Variants in FLNB observed in about 807,000 individuals in gnomAD.
FLNB encodes filamin B.
In FLNB, 111 loss-of-function variants were observed where a neutral mutation model predicts 250.6. That is an observed-to-expected ratio of 0.44 (90% CI 0.38 to 0.52). The LOEUF is 0.52. Ranked by LOEUF, FLNB falls within the 20% of genes least tolerant of loss-of-function variation. The pLI is 0.00. For missense variants in FLNB, 2,869 were observed against 3,447.8 expected, an observed-to-expected ratio of 0.83 and a Z score of 4.20; for synonymous variants, 1,302 against 1,372.1, an observed-to-expected ratio of 0.95 and a Z score of 1.13.
intron 3 of FLNB, among the ~76,000 whole-genome samples, chr3:58,080,720 C>A (rs569663307): frequency 6.6e-6 from 1 of 151,484 alleles, no homozygotes; most frequent in South Asian, 2.1e-4. Flanking sequence ...TCTTGAACTC[C>A]TGACCTCGTG....
intron 34 of FLNB, 116 bp downstream of exon 34, chr3:58,147,109 A>G: frequency 3.8e-6 from 4 of 1,056,160 alleles, no homozygotes; most frequent in Non-Finnish European, 5.6e-6. Context: ...TTTAGGTTTC[A>G]CAGAGACTTG....
chr3:58,168,727 T>C, intron 44 of FLNB, 69 bp downstream of exon 44: 2 of 1,105,514 alleles, frequency 1.8e-6, no homozygotes, highest in Non-Finnish European at 2.8e-6. Context: ...TCAATCATAG[T>C]GGAAACTATG....
At chr3:58,149,642 G>A (rs543466477) in intron 36 of FLNB, 9 of 616,850 alleles carry the variant, frequency 1.5e-5, no homozygotes, top group Middle Eastern at 4.4e-4. Context: ...GTCAAAACCA[G>A]GTTCAGCAGG....
chr3:58,110,249 C>G (rs1002040455), intron 16 of FLNB, 79 bp downstream of exon 16: 8 of 1,423,848 alleles, frequency 5.6e-6, no homozygotes, highest in Admixed American at 5.1e-5. Flanking sequence ...GTCTCATCTA[C>G]TTTTTGGTGT....
rs9856520 is a variant in FLNB, at chr3:58,154,694, A to G, written c.6635-97A>G. 1.3e-3 allele frequency: 1,766 copies of G among 1,337,184 alleles called. 21 individuals are homozygous for G. The African/African-American group carries it at 0.021, about 16-fold the overall frequency. 82.8% of individuals were successfully genotyped at this position (1,337,184 alleles called of 1,614,324 possible). On this transcript the variant is annotated intron_variant, in intron 39 of 45. Coordinates refer to ENST00000295956, the MANE Select transcript of FLNB (RefSeq NM_001457.4). ...TTGGAGAAAGAGGAAAGGGCTAGCA[A>G]CAGACGAAACCTAGCACTGCAGGTT...
intron 38 of FLNB, chr3:58,150,698 G>A: frequency 9.3e-6 from 2 of 214,108 alleles, no homozygotes; most frequent in South Asian, 7.6e-5. Flanking sequence ...GTGGTGAATT[G>A]TTCTTCTTGG....
At chr3:58,131,519 A>G (rs6445947) in intron 25 of FLNB, among the ~76,000 whole-genome samples, 61,012 of 152,090 alleles carry the variant, frequency 0.4, 15,039 homozygotes, top group East Asian at 0.97. Flanking sequence ...ATAAGTGACC[A>G]TGTTTCCTCC....
At chr3:58,131,111 C>T (rs1461205592) in intron 25 of FLNB, among the ~76,000 whole-genome samples, 1 of 152,196 alleles carries the variant, frequency 6.6e-6, no homozygotes, top group Non-Finnish European at 1.5e-5. Flanking sequence ...ATCTGTCCCC[C>T]CATTTAATAA....
At chr3:58,053,943 C>T (rs2097166511) in intron 1 of FLNB, among the ~76,000 whole-genome samples, 1 of 152,156 alleles carries the variant, frequency 6.6e-6, no homozygotes, top group Non-Finnish European at 1.5e-5. Context: ...CTCCCAGAGG[C>T]GCGAAGAGCA....
At chr3:58,069,139 TAAAAAAAA>T (rs966824772) in intron 1 of FLNB, among the ~76,000 whole-genome samples, 4 of 134,610 alleles carry the variant, frequency 3.0e-5, no homozygotes, top group Admixed American at 1.5e-4. Flanking sequence ...ACCCTGTCTT[TAAAAAAAA>T]AAAAAAAGGA....
chr3:58,098,014 C>T (rs1338581221), intron 7 of FLNB, 37 bp downstream of exon 7: 1 of 1,609,820 alleles, frequency 6.2e-7, no homozygotes, highest in Non-Finnish European at 8.5e-7. Context: ...GACCTTTGCG[C>T]TTTCTTCCAG....
intron 1 of FLNB, among the ~76,000 whole-genome samples, chr3:58,040,468 A>G (rs1217048147): frequency 6.6e-6 from 1 of 152,122 alleles, no homozygotes; most frequent in East Asian, 1.9e-4. Context: ...GACAGGGTGT[A>G]AAGGGTAGGT....
At chr3:58,030,211 G>A (rs928567334) in intron 1 of FLNB, among the ~76,000 whole-genome samples, 2 of 152,272 alleles carry the variant, frequency 1.3e-5, no homozygotes, top group African/African-American at 4.8e-5. Context: ...GGGGTGAATC[G>A]GATAGCAAGA....
chr3:58,156,167 T>G, intron 41 of FLNB, 92 bp downstream of exon 41: 1 of 927,040 alleles, frequency 1.1e-6, no homozygotes, highest in South Asian at 1.4e-5. Flanking sequence ...CCTTAGGTGC[T>G]GAGGCCCCTT....
At chr3:58,103,265 GGTGT>G (rs10571409) in intron 9 of FLNB, among the ~76,000 whole-genome samples, 195 of 148,030 alleles carry the variant, frequency 1.3e-3, no homozygotes, top group Middle Eastern at 3.5e-3. Flanking sequence ...AGCCAAGGAG[GGTGT>G]GTGTGTGTGT....
intron 3 of FLNB, among the ~76,000 whole-genome samples, chr3:58,080,761 G>A (rs941771199): frequency 5.4e-5 from 8 of 148,310 alleles, no homozygotes; most frequent in Admixed American, 2.0e-4. Flanking sequence ...CAAAGTGCTG[G>A]GATTACAGGT....
At chr3:58,143,451 C>G in intron 31 of FLNB, 22 bp from the exon 32 acceptor site, 3 of 1,613,944 alleles carry the variant, frequency 1.9e-6, no homozygotes, top group Non-Finnish European at 2.5e-6. Flanking sequence ...GCTTCATTGC[C>G]CCGTCTCTCT....
chr3:58,085,633 C>T (rs2097216194), intron 4 of FLNB, among the ~76,000 whole-genome samples: 2 of 152,152 alleles, frequency 1.3e-5, no homozygotes, highest in African/African-American at 4.8e-5. Context: ...ACAAACAGAT[C>T]TTTGTGGTGG....
At chr3:58,146,533 A>G in intron 33 of FLNB, 1 of 454,552 alleles carries the variant, frequency 2.2e-6, no homozygotes, top group Non-Finnish European at 4.1e-6. Context: ...TGTGTAATTG[A>G]TGTACACGGC....
Sources: gnomAD v4.1 joint callset for allele counts (sites outside exome capture counted in the v4.1 genomes callset) on GRCh38, gnomAD v4.1.1 for gene constraint, MANE v1.5 for transcripts, NCBI Gene and HGNC (gene_info 2026-07-23, HGNC 2026-07-21) for gene names.